The following FMN1 variants were observed in gnomAD, a reference collection of about 807,000 sequenced individuals.
The protein encoded by FMN1 is formin-1.
A neutral mutation model predicts 132.4 loss-of-function variants in FMN1; 110 were observed. That is an observed-to-expected ratio of 0.83 (90% CI 0.71 to 0.97). The LOEUF (loss-of-function observed/expected upper bound fraction) is 0.97. Among genes scored for constraint, FMN1 ranks in the 50% least tolerant of loss-of-function variants. The pLI is 0.00. For synonymous variants in FMN1, 722 were observed against 651.7 expected (o/e 1.11, Z -1.64); for missense variants, 1,792 against 1,705.3 (o/e 1.05, Z -0.90).
At chr15:32,813,884 C>A (rs1455304921) in intron 17 of FMN1, among the ~76,000 whole-genome samples, 1 of 152,184 alleles carries the variant, frequency 6.6e-6, no homozygotes, top group Non-Finnish European at 1.5e-5. Context: ...TCTACATTTT[C>A]CAACGCTCCC....
chr15:32,810,552 A>C (rs547792534), intron 17 of FMN1, among the ~76,000 whole-genome samples: 5 of 152,322 alleles, frequency 3.3e-5, no homozygotes, highest in African/African-American at 9.6e-5. Context: ...AAAAAGAGAA[A>C]GTTTTTATAA....
intron 4 of FMN1, among the ~76,000 whole-genome samples, chr15:33,102,436 G>A (rs180964949): frequency 6.6e-6 from 1 of 152,062 alleles, no homozygotes; most frequent in African/African-American, 2.4e-5. Flanking sequence ...TAAGTAAATG[G>A]AAGCTAGTGT....
At chr15:32,944,739 G>A (rs1157313458) in intron 9 of FMN1, among the ~76,000 whole-genome samples, 1 of 152,024 alleles carries the variant, frequency 6.6e-6, no homozygotes, top group Non-Finnish European at 1.5e-5. Context: ...GGCTAATGCG[G>A]AGGCCACAGC....
chr15:32,842,256 T>C (rs771913480), intron 17 of FMN1, among the ~76,000 whole-genome samples: 5 of 152,170 alleles, frequency 3.3e-5, no homozygotes, highest in African/African-American at 1.2e-4. Flanking sequence ...GCGCAAGCCA[T>C]GTGGAGTGAC....
At chr15:33,190,408 T>G (rs1966033023) in intron 2 of FMN1, among the ~76,000 whole-genome samples, 1 of 152,170 alleles carries the variant, frequency 6.6e-6, no homozygotes. Flanking sequence ...TTCCCAAAAT[T>G]ACTATGGTGA....
chr15:33,088,269 T>G (rs185049635), intron 5 of FMN1, among the ~76,000 whole-genome samples: 10 of 152,226 alleles, frequency 6.6e-5, no homozygotes, highest in African/African-American at 2.4e-4. Context: ...AACAAAAACT[T>G]TAAAAAAGAG....
At chr15:32,880,904 G>A (rs2059754146) in intron 16 of FMN1, among the ~76,000 whole-genome samples, 1 of 152,096 alleles carries the variant, frequency 6.6e-6, no homozygotes, top group Non-Finnish European at 1.5e-5. Context: ...GTATAAATCT[G>A]TTTTACTTCC....
At chr15:33,175,804 A>C (rs897786996) in intron 3 of FMN1, among the ~76,000 whole-genome samples, 3 of 152,056 alleles carry the variant, frequency 2.0e-5, no homozygotes, top group Non-Finnish European at 4.4e-5. Flanking sequence ...TCACCCATAT[A>C]TTGTTCCCTT....
At chr15:32,960,839 T>C in intron 9 of FMN1, among the ~76,000 whole-genome samples, 1 of 151,398 alleles carries the variant, frequency 6.6e-6, no homozygotes, top group East Asian at 2.0e-4. Flanking sequence ...CTACTAAAAA[T>C]ACAAAATTAG....
chr15:33,015,840 G>T (rs919551862), intron 6 of FMN1, among the ~76,000 whole-genome samples: 23 of 152,178 alleles, frequency 1.5e-4, no homozygotes, highest in African/African-American at 5.3e-4. Flanking sequence ...ATGTTTTAAT[G>T]TGCATTAGGG....
intron 16 of FMN1, among the ~76,000 whole-genome samples, chr15:32,867,051 G>C (rs893426041): frequency 3.3e-5 from 5 of 152,170 alleles, no homozygotes; most frequent in South Asian, 2.1e-4. Context: ...TCTGGGATGT[G>C]TCTCCCAAGT....
intron 5 of FMN1, among the ~76,000 whole-genome samples, chr15:33,087,814 C>CAT (rs2038756844): frequency 1.1e-5 from 1 of 92,068 alleles, no homozygotes; most frequent in African/African-American, 4.6e-5. Context: ...TACATATACA[C>CAT]ATATATATAC....
chr15:33,165,049 T>G (rs1046465173), intron 3 of FMN1, among the ~76,000 whole-genome samples: 1 of 152,186 alleles, frequency 6.6e-6, no homozygotes, highest in African/African-American at 2.4e-5. Context: ...CTAACTATGT[T>G]TTTGTACCCA....
At chr15:33,029,318 T>C (rs1291490325) in intron 6 of FMN1, among the ~76,000 whole-genome samples, 1 of 152,106 alleles carries the variant, frequency 6.6e-6, no homozygotes, top group Non-Finnish European at 1.5e-5. Context: ...ACCTTTCTAA[T>C]ATATTTTCTA....
intron 7 of FMN1, among the ~76,000 whole-genome samples, chr15:33,006,596 A>C (rs1205402092): frequency 6.6e-6 from 1 of 152,230 alleles, no homozygotes; most frequent in Non-Finnish European, 1.5e-5. Context: ...TCTCATGTTG[A>C]CTGCAGCGTT....
chr15:33,172,779 T>C (rs887074241), intron 3 of FMN1, among the ~76,000 whole-genome samples: 13 of 151,988 alleles, frequency 8.6e-5, no homozygotes, highest in African/African-American at 2.9e-4. Flanking sequence ...GCACACTGAG[T>C]AGAGATTAAA....
At chr15:32,947,930 A>G (rs978350099) in intron 9 of FMN1, among the ~76,000 whole-genome samples, 1 of 151,976 alleles carries the variant, frequency 6.6e-6, no homozygotes, top group Admixed American at 6.6e-5. Flanking sequence ...CCTTTCCAAT[A>G]TATTTTATTT....
intron 18 of FMN1, among the ~76,000 whole-genome samples, chr15:32,800,266 G>T (rs1225842969): frequency 6.6e-6 from 1 of 152,128 alleles, no homozygotes; most frequent in African/African-American, 2.4e-5. Flanking sequence ...TAAAACTACT[G>T]GTCAGGGAAT....
chr15:33,017,399 G>A (rs2035115795), intron 6 of FMN1, among the ~76,000 whole-genome samples: 1 of 139,848 alleles, frequency 7.2e-6, no homozygotes, highest in African/African-American at 2.7e-5. Flanking sequence ...TGTGGTATGT[G>A]GGCGCAGTAG....
Sources: gnomAD v4.1 joint callset for allele counts (sites outside exome capture counted in the v4.1 genomes callset) on GRCh38, gnomAD v4.1.1 for gene constraint, MANE v1.5 for transcripts, NCBI Gene and HGNC (gene_info 2026-07-23, HGNC 2026-07-21) for gene names.